The following KIRREL3 variants were observed in gnomAD, a reference collection of about 807,000 sequenced individuals.
KIRREL3 encodes kirre like nephrin family adhesion molecule 3.
In KIRREL3, 36 loss-of-function variants were observed where a neutral mutation model predicts 89.7. The observed-to-expected ratio is 0.40, with a 90% CI of 0.31 to 0.53. KIRREL3 has a LOEUF of 0.53. Among genes scored for constraint, KIRREL3 ranks in the 20% least tolerant of loss-of-function variants. The probability of loss-of-function intolerance (pLI) is 0.49; values close to 1 mark genes in which losing one functional copy is unlikely to be tolerated. For synonymous variants in KIRREL3, 445 were observed against 441.4 expected, an observed-to-expected ratio of 1.01 and a Z score of -0.10; for missense variants, 864 against 1,056.6, an observed-to-expected ratio of 0.82 and a Z score of 2.53.
chr11:126,650,643 C>G (rs1944872504), intron 1 of KIRREL3, among the ~76,000 whole-genome samples: 1 of 152,230 alleles, frequency 6.6e-6, no homozygotes, highest in Non-Finnish European at 1.5e-5. Context: ...TTGTCCATAT[C>G]ACTATCAGGC....
chr11:126,542,862 C>T (rs1237898753), intron 2 of KIRREL3, among the ~76,000 whole-genome samples: 2 of 152,190 alleles, frequency 1.3e-5, no homozygotes, highest in East Asian at 1.9e-4. Flanking sequence ...TATATGTGTC[C>T]TAATTAAAAA....
chr11:126,923,236 TCTTC>T lies in KIRREL3; in HGVS notation c.55+77215_55+77218del, dbSNP rs1474114302. Among the ~76,000 whole-genome samples, 5 of 46,096 alleles carry T rather than the reference TCTTC, an allele frequency of 1.1e-4. 2 individuals are homozygous for T. Among genetic ancestry groups the T allele is most frequent in the Non-Finnish European group, 9.6e-5 (2 of 20,864 alleles). The allele number at this position is 46,096 out of a possible 152,430, so 30.2% of individuals were successfully genotyped here. A position where few individuals can be genotyped will look rare whatever the true frequency, so the allele number is the denominator to read the frequency against. On this transcript the variant is annotated intron_variant, in intron 1 of 16. Coordinates refer to ENST00000525144, the MANE Select transcript of KIRREL3 (RefSeq NM_032531.4). ...TTCTTCTTCTTCTTCTTCTTCTTCTTCTTCTTCTTCTTCTTCTTCTTCTTCTTCT... is the reference window on the plus strand; with the variant it reads ...TTCTTCTTCTTCTTCTTCTTCTTCTTTTCTTCTTCTTCTTCTTCTTCTTCT...
In KIRREL3 at chr11:126,917,623, G is replaced by A. The variant is rs1947093862; in HGVS notation, c.55+82832C>T. Among the ~76,000 whole-genome samples the A allele has an allele frequency of 6.6e-6, 1 of 152,126 alleles. No individual in the cohort carries two copies. The highest frequency in any genetic ancestry group is 1.5e-5 in the Non-Finnish European group (1 of 68,016). ...GGGGAGTGAGTAATGATCACCTGGT[G>A]CAATCTGGTTTCTAGTATGAGTTGC... On this transcript the variant is annotated intron_variant, in intron 1 of 16. Coordinates refer to ENST00000525144, the MANE Select transcript of KIRREL3 (RefSeq NM_032531.4). The surrounding 1 kb of genome is among the most constrained non-coding windows in gnomAD (Gnocchi z 5.0).
intron 4 of KIRREL3, among the ~76,000 whole-genome samples, chr11:126,509,480 T>A (rs1267288334): frequency 6.6e-6 from 1 of 152,218 alleles, no homozygotes; most frequent in Non-Finnish European, 1.5e-5. Context: ...GGTCATGAGG[T>A]TGACATTAGG....
At chr11:126,581,275 T>C (rs1941535930) in intron 1 of KIRREL3, among the ~76,000 whole-genome samples, 1 of 152,196 alleles carries the variant, frequency 6.6e-6, no homozygotes, top group African/African-American at 2.4e-5. Context: ...CAATCTCAGC[T>C]CACTGCAACC....
At chr11:126,944,295 T>G (rs914641983) in intron 1 of KIRREL3, 1 of 152,148 alleles carries the variant, frequency 6.6e-6, no homozygotes, top group Admixed American at 6.5e-5. Flanking sequence ...ATTCCATACG[T>G]GTGTGTTTTT....
chr11:126,681,725 A>G (rs1053869997), intron 1 of KIRREL3: 1 of 354,270 alleles, frequency 2.8e-6, no homozygotes, highest in African/African-American at 2.1e-5. Flanking sequence ...ATCAATAAAC[A>G]TTTGTTTAAT....
At position 126,923,192 on chromosome 11, in the gene KIRREL3, CTTCTTCT is replaced by C. The variant is rs1565423199; in HGVS notation, c.55+77256_55+77262del. Reference sequence around the variant, plus strand: ...CTTCTTCTTCTCTTCTTCTTCTCTTCTTCTTCTTCTTCTTCTTCTTCTTCTTCTTCTT... The same window carrying C: ...CTTCTTCTTCTCTTCTTCTTCTCTTCTCTTCTTCTTCTTCTTCTTCTTCTT... On this transcript the variant is annotated intron_variant, in intron 1 of 16. Transcript: ENST00000525144. Among the ~76,000 whole-genome samples the C allele has an allele frequency of 1.1e-3, 12 of 10,892 alleles. 3 individuals are homozygous for C. Among genetic ancestry groups the C allele is most frequent in the African/African-American group, 1.8e-3 (2 of 1,092 alleles). 7.1% of individuals were successfully genotyped at this position (10,892 alleles called of 152,430 possible).
rs1279332023 is a variant in KIRREL3, at chr11:126,729,623, G to A, written c.56-166711C>T. 2.0e-5 allele frequency among the ~76,000 whole-genome samples: 3 copies of A among 152,178 alleles called. No individual in the cohort carries two copies. Among genetic ancestry groups the A allele is most frequent in the African/African-American group, 2.4e-5 (1 of 41,446 alleles). ...CCCTGGCATTTTGCTGCTGGAGCACGGAAGCAGTGCTGGCCAGGAGCTCAC... is the reference window on the plus strand; with the variant it reads ...CCCTGGCATTTTGCTGCTGGAGCACAGAAGCAGTGCTGGCCAGGAGCTCAC... On this transcript the variant is annotated intron_variant, in intron 1 of 16. Transcript: ENST00000525144. This position sits in a 1 kb window ranked among gnomAD's most constrained non-coding sequence, Gnocchi z 4.5.
At chr11:126,706,483 T>C (rs375825512) in intron 1 of KIRREL3, among the ~76,000 whole-genome samples, 5 of 152,316 alleles carry the variant, frequency 3.3e-5, no homozygotes, top group African/African-American at 1.2e-4. Flanking sequence ...TGTATAAATA[T>C]ATGTCTCTAG....
chr11:126,692,442 G>A lies in KIRREL3; in HGVS notation c.56-129530C>T, dbSNP rs1000477118. ...CACCTGTAGTCTCAGCTCCTCAGGA[G>A]GCTGAGGCAGGAGGATCACTTGAAC... is the stretch of plus-strand genomic sequence containing the variant. On this transcript the variant is annotated intron_variant, in intron 1 of 16. Transcript: ENST00000525144. Among the ~76,000 whole-genome samples the A allele has an allele frequency of 2.0e-5, 3 of 151,054 alleles. No homozygotes were observed. In the East Asian group the frequency reaches 5.9e-4, roughly 30 times the overall value.
In KIRREL3 at chr11:126,955,762, T is replaced by C. The variant is rs1483133346; in HGVS notation, c.55+44693A>G. ...CTAAAAACGAACATGATGCTCGTCC[T>C]CAGAAAGCTTAGCTCTAGTGAGAGA... On this transcript the variant is annotated intron_variant, in intron 1 of 16. Coordinates refer to ENST00000525144, the MANE Select transcript of KIRREL3 (RefSeq NM_032531.4). The surrounding 1 kb of genome is among the most constrained non-coding windows in gnomAD (Gnocchi z 4.6). Among the ~76,000 whole-genome samples, 1 of 152,212 alleles carries C rather than the reference T, an allele frequency of 6.6e-6. No individual in the cohort carries two copies. Among genetic ancestry groups the C allele is most frequent in the Non-Finnish European group, 1.5e-5 (1 of 68,030 alleles).
chr11:126,723,922 C>T lies in KIRREL3; in HGVS notation c.56-161010G>A, dbSNP rs1948275631. Among the ~76,000 whole-genome samples, 2 of 152,270 alleles carry T rather than the reference C, an allele frequency of 1.3e-5. No homozygotes were observed. Among genetic ancestry groups the T allele is most frequent in the Admixed American group, 6.5e-5 (1 of 15,300 alleles). The stretch of plus-strand genomic sequence containing the variant: ...GCCTAGGGTTTTTAGGAATTTTCTT[C>T]TATTCAAGATCATAATTGCAGAAAA... On this transcript the variant is annotated intron_variant, in intron 1 of 16. Coordinates refer to ENST00000525144, the MANE Select transcript of KIRREL3 (RefSeq NM_032531.4). This position sits in a 1 kb window ranked among gnomAD's most constrained non-coding sequence, Gnocchi z 4.0.
intron 1 of KIRREL3, chr11:126,992,394 T>A (rs958893510): frequency 6.6e-6 from 1 of 152,208 alleles, no homozygotes; most frequent in African/African-American, 2.4e-5. Flanking sequence ...AGCCTTAGAC[T>A]TGAGACTTAC....
rs935778125 is a variant in KIRREL3, at chr11:126,551,118, A to C, written c.133+11717T>G. ...AGGATATTACAAAGAATACAGATGAAGAGATTGGGGGGAAGGGGCAGGAGC... is the reference window on the plus strand; with the variant it reads ...AGGATATTACAAAGAATACAGATGACGAGATTGGGGGGAAGGGGCAGGAGC... On this transcript the variant is annotated intron_variant, in intron 2 of 16. Transcript: ENST00000525144. This position sits in a 1 kb window ranked among gnomAD's most constrained non-coding sequence, Gnocchi z 4.9. 6.6e-6 allele frequency among the ~76,000 whole-genome samples: 1 copy of C among 152,222 alleles called. No homozygotes were observed. Among genetic ancestry groups the C allele is most frequent in the Middle Eastern group, 3.2e-3 (1 of 316 alleles).
At chr11:126,848,911 G>A (rs1016974969) in intron 1 of KIRREL3, among the ~76,000 whole-genome samples, 4 of 152,162 alleles carry the variant, frequency 2.6e-5, no homozygotes, top group African/African-American at 9.7e-5. Context: ...TACAGAAGAT[G>A]GATCTTCGTT....
intron 1 of KIRREL3, among the ~76,000 whole-genome samples, chr11:126,730,873 G>A (rs948765928): frequency 6.6e-6 from 1 of 152,036 alleles, no homozygotes; most frequent in Admixed American, 6.6e-5. Flanking sequence ...CGAGTAGCTG[G>A]GACTACAGGC....
chr11:126,865,290 C>A (rs1355357501), intron 1 of KIRREL3, among the ~76,000 whole-genome samples: 1 of 152,250 alleles, frequency 6.6e-6, no homozygotes, highest in African/African-American at 2.4e-5. Flanking sequence ...AGCTCACCCT[C>A]CCTGCAGACT....
intron 2 of KIRREL3, among the ~76,000 whole-genome samples, chr11:126,532,674 C>T (rs1958979392): frequency 8.5e-6 from 1 of 117,250 alleles, no homozygotes; most frequent in Non-Finnish European, 1.8e-5. Flanking sequence ...CTACACCTGG[C>T]CCAGATGATC....
Sources: gnomAD v4.1 joint callset for allele counts (sites outside exome capture counted in the v4.1 genomes callset) on GRCh38, gnomAD v4.1.1 for gene constraint, Gnocchi (gnomAD v3.1) non-coding constraint, MANE v1.5 for transcripts, NCBI Gene and HGNC (gene_info 2026-07-23, HGNC 2026-07-21) for gene names.